Variants in LRP1B observed in about 807,000 individuals in gnomAD.
The protein encoded by LRP1B is LDL receptor related protein 1B, also known as low-density lipoprotein receptor-related protein 1B.
LRP1B carries 217 observed loss-of-function variants against 556.6 expected under a neutral mutation model. That is an observed-to-expected ratio of 0.39 (90% CI 0.35 to 0.44). The LOEUF (loss-of-function observed/expected upper bound fraction) is 0.44. Ranked by LOEUF, LRP1B falls within the 20% of genes least tolerant of loss-of-function variation. The pLI, the probability that LRP1B is intolerant of heterozygous loss-of-function variation, is 1.00. For synonymous variants in LRP1B, 2,047 were observed against 1,865.8 expected (o/e 1.10, Z -2.50); for missense variants, 5,053 against 5,620.8 (o/e 0.90, Z 3.23).
rs780109274 is a variant in LRP1B at position 140,601,513 on chromosome 2, T to C, written c.6926A>G (p.Glu2309Gly). The change falls in exon 42 of 91, where the codon GAA becomes GGA. Residue 2309 changes from glutamate to glycine, a missense_variant. Glu to Gly is a moderately conservative substitution (Grantham distance 98). Around this residue, in one of 5 missense-constraint regions of LRP1B, gnomAD observed 3,619 missense variants for 3,931.9 expected, o/e 0.92. Coordinates refer to ENST00000389484, the MANE Select transcript of LRP1B (RefSeq NM_018557.3). ...ATCTTCTGACATGGTGATGACAGCT[T>C]CCCTGTCAAATGCTCCAGGCCGAGT... is the stretch of plus-strand genomic sequence containing the variant. ...DQTRPGAFDR[E>G]AVITMSEDDH... 13 of 1,613,010 alleles carry C rather than the reference T, an allele frequency of 8.1e-6. No homozygotes were observed. The South Asian group carries it at 1.4e-4, about 18-fold the overall frequency.
intron 2 of LRP1B, among the ~76,000 whole-genome samples, chr2:141,515,632 CAGTAA>C (rs1684286583): frequency 2.0e-5 from 3 of 152,090 alleles, no homozygotes; most frequent in African/African-American, 7.2e-5. Flanking sequence ...AAAATTCTGA[CAGTAA>C]ATTTTTACTG....
intron 35 of LRP1B, among the ~76,000 whole-genome samples, chr2:140,750,482 G>T (rs1009178828): frequency 6.6e-6 from 1 of 152,112 alleles, no homozygotes; most frequent in African/African-American, 2.4e-5. Context: ...AAACATATGT[G>T]TGCATATATA....
intron 1 of LRP1B, among the ~76,000 whole-genome samples, chr2:142,078,244 A>C (rs984207900): frequency 1.3e-5 from 2 of 152,104 alleles, no homozygotes; most frequent in Admixed American, 6.6e-5. Flanking sequence ...CATGATAACC[A>C]AAAAGTCTTA....
chr2:141,846,782 A>G (rs746535491), intron 1 of LRP1B, among the ~76,000 whole-genome samples: 3 of 151,426 alleles, frequency 2.0e-5, no homozygotes, highest in African/African-American at 7.3e-5. Flanking sequence ...ATCGTGAACG[A>G]TATCTTTTAA....
chr2:141,544,325 C>CTTCTT lies in LRP1B; in HGVS notation c.206-63797_206-63793dup, dbSNP rs1559130970. Among the ~76,000 whole-genome samples the CTTCTT allele has an allele frequency of 3.2e-3, 179 of 55,390 alleles. 1 individual carries two copies. The highest frequency in any genetic ancestry group is 0.02 in the East Asian group (29 of 1,470). The allele number at this position is 55,390 out of a possible 152,430, so 36.3% of individuals were successfully genotyped here. A position where few individuals can be genotyped will look rare whatever the true frequency, so the allele number is the denominator to read the frequency against. On this transcript the variant is annotated intron_variant, in intron 2 of 90. Transcript: ENST00000389484. ...TCTTCTTCTTCTTCTTCTTCTTCTT[C>CTTCTT]TTCTTCTTCTTCTTCTTCTTCTTCT...
intron 51 of LRP1B, among the ~76,000 whole-genome samples, chr2:140,514,145 A>G (rs1168396585): frequency 1.3e-5 from 2 of 152,050 alleles, no homozygotes; most frequent in African/African-American, 4.8e-5. Context: ...ATAAAGCTAC[A>G]TTTTAAAGTG....
intron 12 of LRP1B, 28 bp downstream of exon 12, chr2:141,019,894 T>C (rs1284633776): frequency 1.4e-6 from 2 of 1,456,298 alleles, no homozygotes; most frequent in East Asian, 2.4e-5. Flanking sequence ...TCATTTTTCT[T>C]ATATAAAGCT....
At chr2:141,791,390 C>T (rs1695605303) in intron 2 of LRP1B, among the ~76,000 whole-genome samples, 1 of 151,980 alleles carries the variant, frequency 6.6e-6, no homozygotes, top group African/African-American at 2.4e-5. Flanking sequence ...CACACACACA[C>T]AACCTGGGAA....
intron 66 of LRP1B, among the ~76,000 whole-genome samples, chr2:140,436,367 G>C (rs2105291680): frequency 6.6e-6 from 1 of 152,276 alleles, no homozygotes; most frequent in Non-Finnish European, 1.5e-5. Flanking sequence ...GCAAGATCGA[G>C]CTATGTATTT....
intron 41 of LRP1B, among the ~76,000 whole-genome samples, chr2:140,695,084 GT>G (rs1574250425): frequency 6.6e-6 from 1 of 150,872 alleles, no homozygotes; most frequent in East Asian, 2.0e-4. Flanking sequence ...GCTTGGTGGG[GT>G]TTTTTAAGCT....
At chr2:142,126,567 T>G (rs1707663299) in intron 1 of LRP1B, among the ~76,000 whole-genome samples, 1 of 151,934 alleles carries the variant, frequency 6.6e-6, no homozygotes, top group Non-Finnish European at 1.5e-5. Flanking sequence ...TTTCTTTGAA[T>G]GCATCTATCT....
At chr2:141,835,955 A>ATTT (rs1697262125) in intron 1 of LRP1B, among the ~76,000 whole-genome samples, 1 of 152,026 alleles carries the variant, frequency 6.6e-6, no homozygotes, top group African/African-American at 2.4e-5. Flanking sequence ...GGAAAAAACT[A>ATTT]TAAACATTTT....
At chr2:142,017,815 A>G (rs557000621) in intron 1 of LRP1B, among the ~76,000 whole-genome samples, 3 of 152,262 alleles carry the variant, frequency 2.0e-5, no homozygotes, top group African/African-American at 7.2e-5. Flanking sequence ...CCAGAAGGTC[A>G]AGGGCACAGT....
At chr2:142,088,021 T>G (rs1237001656) in intron 1 of LRP1B, among the ~76,000 whole-genome samples, 3 of 152,162 alleles carry the variant, frequency 2.0e-5, no homozygotes, top group Non-Finnish European at 4.4e-5. Context: ...TAAGCAATTA[T>G]TTATGTGTCA....
chr2:140,778,804 G>A (rs1213329274), intron 32 of LRP1B, among the ~76,000 whole-genome samples: 2 of 151,754 alleles, frequency 1.3e-5, no homozygotes, highest in Admixed American at 6.6e-5. Flanking sequence ...ATATATGAAC[G>A]CACACAACAT....
At position 141,174,491 on chromosome 2, in the gene LRP1B, A is replaced by C. The variant is rs58354644; in HGVS notation, c.1013+13930T>G. 4.3e-3 allele frequency among the ~76,000 whole-genome samples: 655 copies of C among 152,170 alleles called. 6 individuals carry two copies. Among genetic ancestry groups the C allele is most frequent in the African/African-American group, 0.015 (625 of 41,548 alleles). ...TCTCATGAAAGTAAGTTTTCATGAG[A>C]TCTGATGACACTTTCCCCGTTTTTC... On this transcript the variant is annotated intron_variant, in intron 7 of 90. Transcript: ENST00000389484.
chr2:140,950,199 T>C, intron 20 of LRP1B, 36 bp downstream of exon 20: 1 of 1,447,264 alleles, frequency 6.9e-7, no homozygotes, highest in Non-Finnish European at 9.2e-7. Flanking sequence ...CATCAACTTT[T>C]AAAATGAGAT....
chr2:141,731,848 C>A (rs1693286064), intron 2 of LRP1B, among the ~76,000 whole-genome samples: 1 of 152,102 alleles, frequency 6.6e-6, no homozygotes, highest in African/African-American at 2.4e-5. Context: ...TGTCTGCCCA[C>A]ACTACTGTTT....
At chr2:140,786,408 T>C (rs1354108757) in intron 32 of LRP1B, among the ~76,000 whole-genome samples, 1 of 152,228 alleles carries the variant, frequency 6.6e-6, no homozygotes, top group East Asian at 1.9e-4. Flanking sequence ...ATTTTTACAC[T>C]GTACCTACTG....
Sources: gnomAD v4.1 joint callset for allele counts (sites outside exome capture counted in the v4.1 genomes callset) on GRCh38, gnomAD v4.1.1 for gene constraint, gnomAD v4.1.1 regional missense constraint, MANE v1.5 for transcripts, NCBI Gene and HGNC (gene_info 2026-07-23, HGNC 2026-07-21) for gene names.